LRGUK: variants seen among roughly 807,000 people sequenced by gnomAD.
The protein encoded by LRGUK is leucine-rich repeat and guanylate kinase domain-containing protein.
A neutral mutation model predicts 76.0 loss-of-function variants in LRGUK; 65 were observed. That is an observed-to-expected ratio of 0.85 (90% CI 0.70 to 1.05). The LOEUF (loss-of-function observed/expected upper bound fraction) is 1.05, where lower values mean the gene tolerates loss of function less well. Ranked by LOEUF, LRGUK falls within the 50% of genes least tolerant of loss-of-function variation. The probability of loss-of-function intolerance (pLI) is 0.00; values close to 1 mark genes in which losing one functional copy is unlikely to be tolerated. For synonymous variants in LRGUK, 268 were observed against 265.6 expected (o/e 1.01, Z -0.09); for missense variants, 758 against 732.8 (o/e 1.03, Z -0.40).
At chr7:134,197,608 G>A (rs770124561) in intron 13 of LRGUK, among the ~76,000 whole-genome samples, 6 of 152,146 alleles carry the variant, frequency 3.9e-5, no homozygotes, top group Non-Finnish European at 7.4e-5. Flanking sequence ...TGCATGAGAT[G>A]TGTGGGCTGT....
chr7:134,265,735 A>G (rs1802842970), downstream of LRGUK, among the ~76,000 whole-genome samples: 1 of 152,214 alleles, frequency 6.6e-6, no homozygotes, highest in South Asian at 2.1e-4. Context: ...CAGGACTTTA[A>G]CCACTGCCCA....
chr7:134,153,011 G>T lies in LRGUK; in HGVS notation c.670+4692G>T, dbSNP rs571007325. Among the ~76,000 whole-genome samples, 7 of 152,128 alleles carry T rather than the reference G, an allele frequency of 4.6e-5. No individual in the cohort carries two copies. The South Asian group carries it at 8.3e-4, about 18-fold the overall frequency. On this transcript the variant is annotated intron_variant, in intron 5 of 15. Transcript: ENST00000645682. ...TACTGTCTCTGGGAAGGAGACACAG[G>T]GTAGATTTAAGTTGTTAATTTTCTG...
intron 2 of LRGUK, among the ~76,000 whole-genome samples, chr7:134,137,403 CT>C (rs1797582516): frequency 6.6e-6 from 1 of 152,148 alleles, no homozygotes; most frequent in Non-Finnish European, 1.5e-5. Flanking sequence ...TCAATGCTTT[CT>C]TTCCAGGAGG....
chr7:134,242,300 CG>C (rs1435178636), intron 16 of LRGUK, among the ~76,000 whole-genome samples: 1 of 151,868 alleles, frequency 6.6e-6, no homozygotes, highest in Non-Finnish European at 1.5e-5. Context: ...ATTGATAGAC[CG>C]CTAGCAAGAC....
chr7:134,179,335 T>C (rs1799639289), intron 10 of LRGUK, among the ~76,000 whole-genome samples: 1 of 152,226 alleles, frequency 6.6e-6, no homozygotes, highest in African/African-American at 2.4e-5. Flanking sequence ...ATTCTATCAA[T>C]ACCCAAAGGC....
chr7:134,224,411 G>A (rs1801680552), intron 16 of LRGUK, among the ~76,000 whole-genome samples: 1 of 152,146 alleles, frequency 6.6e-6, no homozygotes, highest in Non-Finnish European at 1.5e-5. Flanking sequence ...CATGTCCTTT[G>A]CAGGAACGTG....
chr7:134,258,845 A>G (rs1802650672), intron 19 of LRGUK, among the ~76,000 whole-genome samples: 1 of 152,176 alleles, frequency 6.6e-6, no homozygotes, highest in African/African-American at 2.4e-5. Context: ...ATCTCCCTCT[A>G]AGGTAGCGTG....
the LRGUK span, among the ~76,000 whole-genome samples, chr7:134,275,636 T>C: frequency 6.6e-6 from 1 of 152,216 alleles, no homozygotes; most frequent in African/African-American, 2.4e-5. Flanking sequence ...AGTTTTTTCC[T>C]GGATTTTATC....
intron 19 of LRGUK, among the ~76,000 whole-genome samples, chr7:134,260,043 A>G (rs1162475066): frequency 1.3e-5 from 2 of 152,158 alleles, no homozygotes; most frequent in Non-Finnish European, 2.9e-5. Context: ...GTAGAAAGAC[A>G]TTAGATTAGG....
intron 2 of LRGUK, among the ~76,000 whole-genome samples, chr7:134,138,456 CTT>C (rs1435864237): frequency 6.6e-6 from 1 of 151,278 alleles, no homozygotes; most frequent in African/African-American, 2.4e-5. Context: ...TTTACTTTCT[CTT>C]ATTATTTGTG....
intron 16 of LRGUK, among the ~76,000 whole-genome samples, chr7:134,246,089 C>T (rs138038429): frequency 2.0e-5 from 3 of 152,276 alleles, no homozygotes; most frequent in Admixed American, 6.5e-5. Flanking sequence ...CCCACGTTAG[C>T]GCTCATGTGT....
chr7:134,228,547 G>A (rs942334626), intron 16 of LRGUK, among the ~76,000 whole-genome samples: 2 of 151,008 alleles, frequency 1.3e-5, no homozygotes, highest in Admixed American at 1.3e-4. Context: ...GGGAATGAAG[G>A]GAAAAAATAT....
intron 15 of LRGUK, among the ~76,000 whole-genome samples, chr7:134,219,680 G>A (rs971637734): frequency 6.6e-6 from 1 of 151,256 alleles, no homozygotes; most frequent in African/African-American, 2.4e-5. Flanking sequence ...CACCTCCTTT[G>A]TCTCTCTCTC....
intron 16 of LRGUK, among the ~76,000 whole-genome samples, chr7:134,225,568 C>G (rs1256570621): frequency 6.6e-6 from 1 of 152,182 alleles, no homozygotes; most frequent in Admixed American, 6.5e-5. Context: ...AAGGTAGTTT[C>G]ATAGAAAAGC....
At position 134,242,793 on chromosome 7, in the gene LRGUK, A is replaced by C. The variant is rs973045656; in HGVS notation, c.1984-4763A>C. ...CAATATCCATGATGATCATCGATGC[A>C]AAAATCCTCAGTAAAATACTGGCAA... On this transcript the variant is annotated intron_variant, in intron 16 of 19. Coordinates refer to the LRGUK transcript ENST00000285928. Among the ~76,000 whole-genome samples the C allele has an allele frequency of 3.9e-5, 6 of 152,206 alleles. No individual in the cohort carries two copies. The South Asian group carries it at 1.2e-3, about 32-fold the overall frequency.
exon 1 of LRGUK, chr7:134,127,430 C>A: frequency 6.2e-7 from 1 of 1,613,880 alleles, no homozygotes; most frequent in East Asian, 2.2e-5. Flanking sequence ...GAGGCTTGGG[C>A]AGATCCCGAA....
At chr7:134,131,112 A>G (rs1200910776) in intron 1 of LRGUK, among the ~76,000 whole-genome samples, 2 of 152,190 alleles carry the variant, frequency 1.3e-5, no homozygotes, top group East Asian at 3.8e-4. Context: ...GACTGTACAG[A>G]GCAGAAGTTT....
At chr7:134,197,196 A>T in intron 13 of LRGUK, 91 bp downstream of exon 13, 1 of 714,644 alleles carries the variant, frequency 1.4e-6, no homozygotes, top group Non-Finnish European at 2.4e-6. Context: ...TATATGTATA[A>T]ACTTTTTACT....
At chr7:134,201,695 T>C (rs1202617933) in intron 15 of LRGUK, 119 bp downstream of exon 15, 2 of 658,560 alleles carry the variant, frequency 3.0e-6, no homozygotes, top group African/African-American at 3.7e-5. Flanking sequence ...TTTATTCCTG[T>C]ACTTCTTCTG....
Sources: allele counts gnomAD v4.1 joint callset (sites outside exome capture counted in the v4.1 genomes callset), GRCh38; gene constraint gnomAD v4.1.1; transcripts MANE v1.5; gene names NCBI Gene and HGNC (gene_info 2026-07-23, HGNC 2026-07-21).